The following UBE2E2 variants were observed in gnomAD, a reference collection of about 807,000 sequenced individuals.
UBE2E2 encodes ubiquitin-conjugating enzyme E2 E2.
Under a neutral mutation model 24.7 loss-of-function variants are expected in UBE2E2, and 6 were observed. The ratio of observed to expected loss-of-function variants is 0.24; its 90% CI spans 0.13 to 0.48. The LOEUF (loss-of-function observed/expected upper bound fraction) is 0.48. UBE2E2 is among the 20% of genes least tolerant of loss of function. UBE2E2 has a pLI of 0.99. For synonymous variants in UBE2E2, 104 were observed against 83.6 expected (o/e 1.24, Z -1.33); for missense variants, 169 against 245.0 (o/e 0.69, Z 2.07).
At chr3:23,496,706 T>G (rs1699609803) in intron 3 of UBE2E2, among the ~76,000 whole-genome samples, 1 of 152,172 alleles carries the variant, frequency 6.6e-6, no homozygotes, top group Non-Finnish European at 1.5e-5. Flanking sequence ...TTATAAATAG[T>G]GCTTCAATAA....
At chr3:23,257,313 A>G (rs1326825854) in intron 3 of UBE2E2, among the ~76,000 whole-genome samples, 1 of 152,148 alleles carries the variant, frequency 6.6e-6, no homozygotes, top group Non-Finnish European at 1.5e-5. Flanking sequence ...GAGCAGGACT[A>G]GCTCTTCACT....
At chr3:23,226,941 A>G (rs1338356634) in intron 3 of UBE2E2, among the ~76,000 whole-genome samples, 1 of 151,716 alleles carries the variant, frequency 6.6e-6, no homozygotes, top group Non-Finnish European at 1.5e-5. Context: ...TTCAAGTTAT[A>G]TAAGACCTGG....
intron 3 of UBE2E2, among the ~76,000 whole-genome samples, chr3:23,447,861 T>C (rs1279919256): frequency 6.6e-6 from 1 of 152,218 alleles, no homozygotes; most frequent in Non-Finnish European, 1.5e-5. Flanking sequence ...AAATATGGTA[T>C]TACATGGTTG....
At chr3:23,335,510 G>A (rs539749519) in intron 3 of UBE2E2, among the ~76,000 whole-genome samples, 26 of 152,246 alleles carry the variant, frequency 1.7e-4, no homozygotes, top group Admixed American at 1.2e-3. Context: ...TTTATGCAGT[G>A]TAATTACTGT....
chr3:23,232,691 TA>T (rs1180730829), intron 3 of UBE2E2, among the ~76,000 whole-genome samples: 5 of 152,250 alleles, frequency 3.3e-5, no homozygotes, highest in Non-Finnish European at 7.3e-5. Context: ...TAAAAGTTTT[TA>T]AAAGATTTTA....
rs1421113550 is a variant in UBE2E2, at chr3:23,583,840, A to G, written c.509-5894A>G. On this transcript the variant is annotated intron_variant, in intron 5 of 5. Coordinates refer to ENST00000396703, the MANE Select transcript of UBE2E2 (RefSeq NM_152653.4). This position sits in a 1 kb window ranked among gnomAD's most constrained non-coding sequence, Gnocchi z 4.1. Reference sequence around the variant, plus strand: ...GCAGAGACAGTGGGGTTTTCTAGGTATAGAATCATATCGTCTACAAACAGG... The same window carrying G: ...GCAGAGACAGTGGGGTTTTCTAGGTGTAGAATCATATCGTCTACAAACAGG... Among the ~76,000 whole-genome samples the G allele has an allele frequency of 6.6e-6, 1 of 152,152 alleles. No individual in the cohort carries two copies. The highest frequency in any genetic ancestry group is 2.4e-5 in the African/African-American group (1 of 41,432).
At chr3:23,565,290 G>A (rs1388394853) in intron 5 of UBE2E2, among the ~76,000 whole-genome samples, 3 of 151,986 alleles carry the variant, frequency 2.0e-5, no homozygotes, top group Non-Finnish European at 2.9e-5. Flanking sequence ...TAGGGAGGGA[G>A]GGAGGCAACC....
intron 3 of UBE2E2, among the ~76,000 whole-genome samples, chr3:23,424,765 T>C (rs1001081690): frequency 1.3e-5 from 2 of 152,154 alleles, no homozygotes; most frequent in African/African-American, 4.8e-5. Flanking sequence ...TAAAGAAGTA[T>C]GATAGCTGAA....
intron 4 of UBE2E2, among the ~76,000 whole-genome samples, chr3:23,529,514 G>A (rs1695073574): frequency 6.6e-6 from 1 of 152,142 alleles, no homozygotes; most frequent in African/African-American, 2.4e-5. Context: ...TAGGCTTTTG[G>A]ATCAGCACAA....
At chr3:23,312,096 T>C (rs2125278275) in intron 3 of UBE2E2, among the ~76,000 whole-genome samples, 1 of 151,552 alleles carries the variant, frequency 6.6e-6, no homozygotes, top group East Asian at 1.9e-4. Flanking sequence ...CTCCCTCCTC[T>C]CTTTCTCCTA....
intron 3 of UBE2E2, among the ~76,000 whole-genome samples, chr3:23,482,465 C>CA (rs1699277496): frequency 6.6e-6 from 1 of 152,018 alleles, no homozygotes; most frequent in Non-Finnish European, 1.5e-5. Flanking sequence ...CTTCAGAGCT[C>CA]AATTAATTAC....
chr3:23,258,688 T>C (rs1243441184), intron 3 of UBE2E2, among the ~76,000 whole-genome samples: 1 of 152,036 alleles, frequency 6.6e-6, no homozygotes, highest in Non-Finnish European at 1.5e-5. Flanking sequence ...GCTCAGGAGA[T>C]GGAGACCATC....
intron 5 of UBE2E2, among the ~76,000 whole-genome samples, chr3:23,588,165 A>G (rs1696668971): frequency 6.6e-6 from 1 of 152,146 alleles, no homozygotes; most frequent in Non-Finnish European, 1.5e-5. Flanking sequence ...ACGTAGTTCC[A>G]TATTCTCTAC....
intron 3 of UBE2E2, among the ~76,000 whole-genome samples, chr3:23,331,514 G>C (rs1208458642): frequency 6.6e-6 from 1 of 151,344 alleles, no homozygotes; most frequent in Admixed American, 6.6e-5. Flanking sequence ...CAGGGAGGGG[G>C]GTAAGGTGGT....
At chr3:23,536,436 C>G (rs748683482) in intron 5 of UBE2E2, among the ~76,000 whole-genome samples, 1 of 152,050 alleles carries the variant, frequency 6.6e-6, no homozygotes, top group Non-Finnish European at 1.5e-5. Flanking sequence ...AATCTCATTT[C>G]TATTTGTCTG....
chr3:23,355,890 A>G (rs1164846703), intron 3 of UBE2E2, among the ~76,000 whole-genome samples: 1 of 152,214 alleles, frequency 6.6e-6, no homozygotes, highest in Non-Finnish European at 1.5e-5. Flanking sequence ...GCATTGAGGA[A>G]AATTATATCT....
chr3:23,499,190 T>G (rs1699667413), intron 3 of UBE2E2, among the ~76,000 whole-genome samples: 1 of 152,228 alleles, frequency 6.6e-6, no homozygotes, highest in South Asian at 2.1e-4. Flanking sequence ...GCAGAGACTT[T>G]GGATGATGAA....
intron 3 of UBE2E2, among the ~76,000 whole-genome samples, chr3:23,384,044 G>A (rs1222572228): frequency 6.6e-6 from 1 of 152,106 alleles, no homozygotes; most frequent in East Asian, 1.9e-4. Flanking sequence ...GTCCTGGGCT[G>A]GGGTACAGTG....
chr3:23,539,442 G>A (rs1204234639), intron 5 of UBE2E2, among the ~76,000 whole-genome samples: 1 of 152,170 alleles, frequency 6.6e-6, no homozygotes, highest in Non-Finnish European at 1.5e-5. Context: ...TGCTTTTAAA[G>A]TTTAAAGTTT....
Sources: allele counts gnomAD v4.1 joint callset (sites outside exome capture counted in the v4.1 genomes callset), GRCh38; gene constraint gnomAD v4.1.1; non-coding constraint Gnocchi (gnomAD v3.1); transcripts MANE v1.5; gene names NCBI Gene and HGNC (gene_info 2026-07-23, HGNC 2026-07-21).